NEB: variants seen among roughly 807,000 people sequenced by gnomAD.
The protein encoded by NEB is nemaline myopathy type 2.
NEB carries 512 observed loss-of-function variants against 952.2 expected under a neutral mutation model. The ratio of observed to expected loss-of-function variants is 0.54; its 90% CI spans 0.50 to 0.58. The LOEUF is 0.58. Among genes scored for constraint, NEB ranks in the 20% least tolerant of loss-of-function variants. The pLI, the probability that NEB is intolerant of heterozygous loss-of-function variation, is 0.00. For synonymous variants in NEB, 2,900 were observed against 3,149.8 expected, an observed-to-expected ratio of 0.92 and a Z score of 2.66; for missense variants, 8,428 against 9,231.1, an observed-to-expected ratio of 0.91 and a Z score of 3.56.
At chr2:151,510,820 CTACTG>C (rs1427408316) in intron 161 of NEB, among the ~76,000 whole-genome samples, 2 of 152,172 alleles carry the variant, frequency 1.3e-5, no homozygotes, top group South Asian at 2.1e-4. Context: ...TAAGAGGAGA[CTACTG>C]TATAGTATCC....
chr2:151,610,644 G>A (rs1351873477), intron 79 of NEB, 21 bp from the exon 80 acceptor site: 13 of 1,589,560 alleles, frequency 8.2e-6, no homozygotes, highest in Middle Eastern at 1.7e-4. Flanking sequence ...GATAATAGAC[G>A]ACAGAAAATA....
In NEB at chr2:151,698,204, T is replaced by A. The variant is rs188685325; in HGVS notation, c.1153-556A>T. 2.8e-3 allele frequency among the ~76,000 whole-genome samples: 420 copies of A among 152,260 alleles called. 2 individuals carry two copies. Among genetic ancestry groups the A allele is most frequent in the African/African-American group, 9.6e-3 (401 of 41,568 alleles). On this transcript the variant is annotated intron_variant, in intron 13 of 181. Coordinates refer to ENST00000397345, the MANE Select transcript of NEB (RefSeq NM_001164508.2). ...TTCATACATTCCAAACTCAAAAAAA[T>A]TTTTTTTCTTTCTTTTTTTTGTAAC... is the stretch of plus-strand genomic sequence containing the variant.
At chr2:151,682,960 T>A (rs145769840) in intron 28 of NEB, among the ~76,000 whole-genome samples, 191 bp from the exon 29 acceptor site, 2 of 152,314 alleles carry the variant, frequency 1.3e-5, no homozygotes, top group East Asian at 3.9e-4. Flanking sequence ...TCCTTCTAAC[T>A]GGCGTTATGT....
At chr2:151,609,693 C>T in intron 81 of NEB, 116 bp downstream of exon 81, 1 of 907,278 alleles carries the variant, frequency 1.1e-6, no homozygotes, top group Non-Finnish European at 1.6e-6. Context: ...ACCCCCAGCC[C>T]CACCCCCAGG....
intron 46 of NEB, among the ~76,000 whole-genome samples, chr2:151,660,055 C>T (rs557533181): frequency 2.0e-5 from 3 of 152,294 alleles, no homozygotes; most frequent in South Asian, 4.1e-4. Context: ...GGCAAATAGT[C>T]TCCAGTCACC....
intron 13 of NEB, among the ~76,000 whole-genome samples, chr2:151,704,941 A>G (rs1222554448): frequency 6.6e-6 from 1 of 152,216 alleles, no homozygotes; most frequent in African/African-American, 2.4e-5. Context: ...CGTCCTTAGT[A>G]GCAGAGATTC....
At chr2:151,526,883 G>A (rs1418420355) in intron 148 of NEB, 35 bp downstream of exon 148, 6 of 1,401,318 alleles carry the variant, frequency 4.3e-6, no homozygotes, top group Non-Finnish European at 6.0e-6. Flanking sequence ...GGCCCTGAGT[G>A]AGGTTAGGCA....
At position 151,524,385 on chromosome 2, in the gene NEB, C is replaced by T. The variant is rs1470034316; in HGVS notation, c.22405G>A (p.Gly7469Ser). 6.2e-7 allele frequency: 1 copy of T among 1,613,856 alleles called. No individual in the cohort carries two copies. Among genetic ancestry groups the T allele is most frequent in the South Asian group, 1.1e-5 (1 of 91,090 alleles). Reference sequence around the variant, plus strand: ...CCGAGCATGCTTAAGCCATGGCTGCCTTCCTTGCGGTGCTTGGCTCTGTAC... The same window carrying T: ...CCGAGCATGCTTAAGCCATGGCTGCTTTCCTTGCGGTGCTTGGCTCTGTAC... ...VEYRAKHRKEGSHGLSMLGRP... is the reference protein window; with the variant it reads ...VEYRAKHRKESSHGLSMLGRP... The change falls in exon 153 of 182, where the codon GGC becomes AGC. Residue 7469 changes from glycine to serine, a missense_variant. Gly to Ser is a moderately conservative substitution (Grantham distance 56). Transcript: ENST00000397345.
rs77547727 is a variant in NEB, at chr2:151,662,333, G to A, written c.5772C>T (p.Tyr1924=). The A allele has an allele frequency of 3.8e-3, 5,984 of 1,569,196 alleles. 121 individuals are homozygous for A. The East Asian group carries it at 0.056, about 15-fold the overall frequency. ...TCATGAAGTCAGCATAGTCAGCCTT[G>A]TACTGATTCTGCAAAAGAGGAAAAA... is the stretch of plus-strand genomic sequence containing the variant. ...NMMQIQSDNQ[Y]KADYADFMKG... is the part of the protein sequence containing the mutation. Residue 1924 remains tyrosine, a synonymous_variant, in exon 46 of 182, where the codon TAC becomes TAT. Transcript: ENST00000397345.
chr2:151,679,666 A>AC, intron 32 of NEB, 55 bp downstream of exon 32: 3 of 309,444 alleles, frequency 9.7e-6, no homozygotes, highest in Non-Finnish European at 1.9e-5. Flanking sequence ...GTCAGACCCC[A>AC]AGCCCACCCA....
intron 107 of NEB, among the ~76,000 whole-genome samples, chr2:151,571,122 C>G (rs1335476466): frequency 1.3e-5 from 2 of 152,178 alleles, no homozygotes; most frequent in Non-Finnish European, 2.9e-5. Flanking sequence ...TCTCCTTCCT[C>G]AGCCTCCCGA....
chr2:151,539,458 G>A (rs1010130017), intron 138 of NEB, among the ~76,000 whole-genome samples: 5 of 151,902 alleles, frequency 3.3e-5, no homozygotes, highest in Admixed American at 2.0e-4. Context: ...TTTCTGCCTC[G>A]GGCTTACTGC....
chr2:151,560,029 G>C (rs931662013), intron 124 of NEB, among the ~76,000 whole-genome samples: 46 of 152,280 alleles, frequency 3.0e-4, no homozygotes, highest in African/African-American at 1.1e-3. Flanking sequence ...TAAAGAGTTA[G>C]AGGATGTATG....
intron 7 of NEB, 91 bp from the exon 8 acceptor site, chr2:151,724,455 T>C (rs983769504): frequency 1.1e-6 from 1 of 950,124 alleles, no homozygotes; most frequent in Non-Finnish European, 1.7e-6. Flanking sequence ...GAAGGCATGC[T>C]TGCTCAGAGG....
At chr2:151,631,387 A>T (rs1411960667) in intron 65 of NEB, 41 bp from the exon 66 acceptor site, 8 of 1,573,598 alleles carry the variant, frequency 5.1e-6, no homozygotes, top group Non-Finnish European at 7.0e-6. Flanking sequence ...CATCAAGACC[A>T]CAATATTTAG....
chr2:151,732,966 C>T (rs1032255759), intron 3 of NEB, among the ~76,000 whole-genome samples, 155 bp downstream of exon 3: 1 of 152,162 alleles, frequency 6.6e-6, no homozygotes. Flanking sequence ...TATAGTGAAA[C>T]TGAACATAAA....
intron 172 of NEB, among the ~76,000 whole-genome samples, chr2:151,496,612 A>AT (rs935587153): frequency 8.6e-5 from 13 of 151,818 alleles, no homozygotes; most frequent in Admixed American, 6.6e-4. Context: ...TATCCATGTT[A>AT]TTTTTTTTCA....
chr2:151,486,801 G>T (rs1484772344), intron 181 of NEB: 1 of 152,170 alleles, frequency 6.6e-6, no homozygotes, highest in Non-Finnish European at 1.5e-5. Flanking sequence ...GTCTTAGGTA[G>T]CCAAATAATA....
intron 54 of NEB, 96 bp from the exon 55 acceptor site, chr2:151,646,330 C>A: frequency 2.2e-6 from 2 of 902,588 alleles, no homozygotes; most frequent in Non-Finnish European, 3.5e-6. Context: ...CTGAATTAAA[C>A]ATTATACAGA....
Sources: allele counts gnomAD v4.1 joint callset (sites outside exome capture counted in the v4.1 genomes callset), GRCh38; gene constraint gnomAD v4.1.1; transcripts MANE v1.5; gene names NCBI Gene and HGNC (gene_info 2026-07-23, HGNC 2026-07-21).